Variants in RABGAP1L observed in about 807,000 individuals in gnomAD.
The protein encoded by RABGAP1L is rab GTPase-activating protein 1-like.
RABGAP1L carries 63 observed loss-of-function variants against 137.7 expected under a neutral mutation model. The ratio of observed to expected loss-of-function variants is 0.46; its 90% CI spans 0.37 to 0.56. The LOEUF (loss-of-function observed/expected upper bound fraction) is 0.56, where lower values mean the gene tolerates loss of function less well. Ranked by LOEUF, RABGAP1L falls within the 20% of genes least tolerant of loss-of-function variation. The pLI is 0.00. For synonymous variants in RABGAP1L, 431 were observed against 433.7 expected (o/e 0.99, Z 0.08); for missense variants, 1,095 against 1,244.0 (o/e 0.88, Z 1.80).
intron 19 of RABGAP1L, among the ~76,000 whole-genome samples, chr1:174,818,837 C>T (rs925839731): frequency 2.0e-5 from 3 of 151,160 alleles, no homozygotes; most frequent in Non-Finnish European, 2.9e-5. Flanking sequence ...GGTGAAACCC[C>T]GTCTCTACCA....
At chr1:174,435,282 T>A (rs1213160066) in intron 13 of RABGAP1L, among the ~76,000 whole-genome samples, 1 of 152,196 alleles carries the variant, frequency 6.6e-6, no homozygotes, top group Non-Finnish European at 1.5e-5. Context: ...CCTCCCAAAG[T>A]GCTGGGATTA....
At chr1:174,161,505 G>A (rs1461750266) in intron 1 of RABGAP1L, among the ~76,000 whole-genome samples, 1 of 152,172 alleles carries the variant, frequency 6.6e-6, no homozygotes, top group Non-Finnish European at 1.5e-5. Flanking sequence ...CTCCCAAAGT[G>A]CTGGGATTAC....
intron 13 of RABGAP1L, among the ~76,000 whole-genome samples, chr1:174,634,013 C>T (rs1673696385): frequency 9.3e-6 from 1 of 108,064 alleles, no homozygotes; most frequent in South Asian, 3.4e-4. Flanking sequence ...GCAATGGCAA[C>T]AAAAGACAAA....
chr1:174,669,167 CCTT>C (rs1166967827), intron 14 of RABGAP1L, among the ~76,000 whole-genome samples: 1 of 152,060 alleles, frequency 6.6e-6, no homozygotes, highest in Non-Finnish European at 1.5e-5. Context: ...AAGCAAGGCA[CCTT>C]CTTCACAGGG....
At chr1:174,799,057 C>G (rs946093201) in intron 18 of RABGAP1L, among the ~76,000 whole-genome samples, 4 of 152,146 alleles carry the variant, frequency 2.6e-5, no homozygotes, top group African/African-American at 4.8e-5. Flanking sequence ...ACAATGTTTT[C>G]AACTATTAGC....
intron 17 of RABGAP1L, among the ~76,000 whole-genome samples, chr1:174,721,275 T>C (rs1051551451): frequency 6.6e-6 from 1 of 152,236 alleles, no homozygotes; most frequent in African/African-American, 2.4e-5. Flanking sequence ...CATAGAAGCA[T>C]GAAATGGTGT....
At position 174,199,278 on chromosome 1, in the gene RABGAP1L, A is replaced by C. The variant is rs181692189; in HGVS notation, c.-33-19847A>C. ...TGAGTCATATATTTTAGTGGAGGCA[A>C]TTTTATTCATGTATTGTTTTTTTTC... On this transcript the variant is annotated intron_variant, in intron 1 of 25. Transcript: ENST00000681986. Among the ~76,000 whole-genome samples, 77 of 151,962 alleles carry C rather than the reference A, an allele frequency of 5.1e-4. 2 individuals carry two copies. The East Asian group carries it at 0.014, about 28-fold the overall frequency.
At position 174,219,794 on chromosome 1, in the gene RABGAP1L, A is replaced by G. The variant is rs1423548017; in HGVS notation, c.138+499A>G. Among the ~76,000 whole-genome samples, 4 of 152,120 alleles carry G rather than the reference A, an allele frequency of 2.6e-5. No individual in the cohort carries two copies. In the East Asian group the frequency reaches 7.7e-4, roughly 29 times the overall value. On this transcript the variant is annotated intron_variant, in intron 2 of 25. Coordinates refer to ENST00000681986, the MANE Select transcript of RABGAP1L (RefSeq NM_001366446.1). ...TTTATTTAGATATGGTCCCTTTTTCACTTCTGTGTTGCACTTTCTAAGTCA... is the reference window on the plus strand; with the variant it reads ...TTTATTTAGATATGGTCCCTTTTTCGCTTCTGTGTTGCACTTTCTAAGTCA...
At chr1:174,281,832 C>A (rs539950648) in intron 10 of RABGAP1L, among the ~76,000 whole-genome samples, 1 of 152,170 alleles carries the variant, frequency 6.6e-6, no homozygotes. Context: ...AAATTAAGAT[C>A]CCTCACTCTT....
intron 1 of RABGAP1L, among the ~76,000 whole-genome samples, chr1:174,210,352 G>A (rs1384224240): frequency 6.6e-6 from 1 of 152,040 alleles, no homozygotes; most frequent in Non-Finnish European, 1.5e-5. Context: ...ACACAGAGAA[G>A]GAATTCAGAA....
chr1:174,475,518 C>T (rs1206899432), intron 13 of RABGAP1L, among the ~76,000 whole-genome samples: 1 of 151,904 alleles, frequency 6.6e-6, no homozygotes, highest in Non-Finnish European at 1.5e-5. Flanking sequence ...ATATTAGGGG[C>T]AAACAATTAA....
At chr1:174,943,704 G>A (rs1427434822) in intron 19 of RABGAP1L, among the ~76,000 whole-genome samples, 2 of 151,878 alleles carry the variant, frequency 1.3e-5, no homozygotes, top group African/African-American at 4.8e-5. Flanking sequence ...GTGGTGGCGG[G>A]CACCTGTAAT....
At chr1:174,922,423 C>A in intron 19 of RABGAP1L, 1 of 171,508 alleles carries the variant, frequency 5.8e-6, no homozygotes, top group South Asian at 1.4e-4. Context: ...GACCATTGTT[C>A]CTTCTTTATT....
At chr1:174,376,232 A>G (rs545301124) in intron 12 of RABGAP1L, among the ~76,000 whole-genome samples, 1 of 151,766 alleles carries the variant, frequency 6.6e-6, no homozygotes, top group South Asian at 2.1e-4. Flanking sequence ...GAAGGAAAGG[A>G]AAGAAGGAAG....
intron 14 of RABGAP1L, among the ~76,000 whole-genome samples, chr1:174,642,405 G>C (rs994932664): frequency 6.6e-6 from 1 of 152,056 alleles, no homozygotes; most frequent in Non-Finnish European, 1.5e-5. Flanking sequence ...CATAATTTTG[G>C]AGAATGCAAA....
At chr1:174,688,550 C>T (rs1471342267) in intron 15 of RABGAP1L, among the ~76,000 whole-genome samples, 1 of 152,008 alleles carries the variant, frequency 6.6e-6, no homozygotes, top group South Asian at 2.1e-4. Context: ...AGAAGTTTTG[C>T]TCCTAGACGT....
intron 13 of RABGAP1L, among the ~76,000 whole-genome samples, chr1:174,617,741 GC>G (rs1672026055): frequency 6.6e-6 from 1 of 152,190 alleles, no homozygotes. Flanking sequence ...ACCAGGGGGT[GC>G]AGCCAAGAGG....
chr1:174,791,133 G>A (rs1687829227), intron 18 of RABGAP1L, among the ~76,000 whole-genome samples: 1 of 151,536 alleles, frequency 6.6e-6, no homozygotes, highest in Non-Finnish European at 1.5e-5. Context: ...AGAGGTTGCA[G>A]TGAGCCAAGA....
chr1:174,803,352 A>G (rs1266139894), intron 18 of RABGAP1L, among the ~76,000 whole-genome samples: 1 of 152,202 alleles, frequency 6.6e-6, no homozygotes, highest in Non-Finnish European at 1.5e-5. Context: ...TTTAGATATT[A>G]CCACAAGGCC....
Sources: gnomAD v4.1 joint callset for allele counts (sites outside exome capture counted in the v4.1 genomes callset) on GRCh38, gnomAD v4.1.1 for gene constraint, MANE v1.5 for transcripts, NCBI Gene and HGNC (gene_info 2026-07-23, HGNC 2026-07-21) for gene names.